DYNC2I1: variants seen among roughly 807,000 people sequenced by gnomAD.
DYNC2I1 encodes dynein 2 intermediate chain 1.
Under a neutral mutation model 133.4 loss-of-function variants are expected in DYNC2I1, and 89 were observed. The observed-to-expected ratio is 0.67, with a 90% CI of 0.56 to 0.80. The LOEUF (loss-of-function observed/expected upper bound fraction) is 0.80, where lower values mean the gene tolerates loss of function less well. Ranked by LOEUF, DYNC2I1 falls within the 30% of genes least tolerant of loss-of-function variation. DYNC2I1 has a pLI of 0.00. For synonymous variants in DYNC2I1, 504 were observed against 484.3 expected (o/e 1.04, Z -0.54); for missense variants, 1,291 against 1,314.5 (o/e 0.98, Z 0.28).
intron 17 of DYNC2I1, among the ~76,000 whole-genome samples, chr7:158,925,787 G>A (rs920898887): frequency 3.3e-5 from 5 of 152,094 alleles, no homozygotes; most frequent in South Asian, 2.1e-4. Flanking sequence ...CCCATCGGCC[G>A]TGCTGCTCCG....
At chr7:158,857,022 T>C (rs1162625950) in intron 1 of DYNC2I1, among the ~76,000 whole-genome samples, 1 of 151,954 alleles carries the variant, frequency 6.6e-6, no homozygotes, top group Non-Finnish European at 1.5e-5. Context: ...GCGGCCCGTC[T>C]CCTCGCGCCC....
intron 10 of DYNC2I1, 92 bp downstream of exon 10, chr7:158,902,687 A>G: frequency 8.5e-7 from 1 of 1,182,892 alleles, no homozygotes; most frequent in Non-Finnish European, 1.2e-6. Flanking sequence ...GCCTACTCTA[A>G]TAAGGTGGGT....
intron 4 of DYNC2I1, among the ~76,000 whole-genome samples, chr7:158,954,587 G>C (rs1029338750): frequency 6.6e-6 from 1 of 152,214 alleles, no homozygotes; most frequent in African/African-American, 2.4e-5. Context: ...GGTGGAGCTT[G>C]CAGTGAGCTG....
chr7:158,894,560 T>C (rs1436679215), intron 8 of DYNC2I1, among the ~76,000 whole-genome samples: 2 of 152,200 alleles, frequency 1.3e-5, no homozygotes, highest in Admixed American at 6.5e-5. Flanking sequence ...TAATATCCAT[T>C]GTAGGGATGT....
Position 158,901,807 on chromosome 7 carries a change from T to A in DYNC2I1, c.1128T>A (p.Asp376Glu). 1 of 1,571,058 alleles carries A rather than the reference T, an allele frequency of 6.4e-7. No individual in the cohort carries two copies. Among genetic ancestry groups the A allele is most frequent in the Non-Finnish European group, 8.6e-7 (1 of 1,158,386 alleles). Residue 376 changes from aspartate (D) to glutamate (E), a missense_variant, in exon 9 of 25, where the codon GAT becomes GAA. Transcript: ENST00000407559. ...RADAYTASCE[D>E]DFEDYEDDFE... ...ATGCATATACAGCCAGTTGTGAAGA[T>A]GATTTTGAAGTATGTATAAAAGTTA...
intron 11 of DYNC2I1, among the ~76,000 whole-genome samples, chr7:158,909,945 G>A (rs1380681776): frequency 6.6e-6 from 1 of 152,116 alleles, no homozygotes; most frequent in East Asian, 1.9e-4. Context: ...AGGAGTGTGA[G>A]GTGAAGGATC....
chr7:158,904,175 G>A (rs1328253147), intron 10 of DYNC2I1: 1 of 152,308 alleles, frequency 6.6e-6, no homozygotes, highest in East Asian at 1.9e-4. Flanking sequence ...TACTTAACCT[G>A]TCTGTGCCTC....
intron 15 of DYNC2I1, 126 bp downstream of exon 15, chr7:158,918,995 C>T (rs1377936451): frequency 7.2e-6 from 8 of 1,105,180 alleles, no homozygotes; most frequent in East Asian, 5.3e-5. Flanking sequence ...CTGAGAAAGA[C>T]TGAGTTTCTG....
intron 15 of DYNC2I1, among the ~76,000 whole-genome samples, chr7:158,921,643 C>T (rs1051890182): frequency 2.6e-5 from 4 of 152,052 alleles, no homozygotes; most frequent in Admixed American, 6.6e-5. Flanking sequence ...ACGTTGTGAC[C>T]CAAGCATGGA....
downstream of DYNC2I1, among the ~76,000 whole-genome samples, chr7:158,947,774 C>T (rs112528043): frequency 1.0e-2 from 1,523 of 152,320 alleles, 29 homozygotes; most frequent in African/African-American, 0.034. Context: ...TGCAGCCTCA[C>T]GGAGGCCAGG....
intron 6 of DYNC2I1, 79 bp from the exon 7 acceptor site, chr7:158,886,942 C>A: frequency 7.5e-7 from 1 of 1,327,586 alleles, no homozygotes; most frequent in South Asian, 1.2e-5. Flanking sequence ...TAAGAGCTTT[C>A]ACTGATATGG....
Position 158,872,315 on chromosome 7 carries a change from C to T in DYNC2I1, c.490+753C>T, listed in dbSNP as rs572074773. 2.0e-3 allele frequency among the ~76,000 whole-genome samples: 303 copies of T among 152,094 alleles called. 3 individuals are homozygous for T. Among genetic ancestry groups the T allele is most frequent in the South Asian group, 0.019 (89 of 4,806 alleles). Reference sequence around the variant, plus strand: ...TGGGCAACAGAGTGAGACCCTGTCTCAAAAGAAAAACAAAAGCTCTAAAAA... The same window carrying T: ...TGGGCAACAGAGTGAGACCCTGTCTTAAAAGAAAAACAAAAGCTCTAAAAA... On this transcript the variant is annotated intron_variant, in intron 3 of 24. Transcript: ENST00000407559.
intron 13 of DYNC2I1, among the ~76,000 whole-genome samples, chr7:158,913,909 C>T (rs1375720307): frequency 1.3e-5 from 2 of 152,120 alleles, no homozygotes; most frequent in African/African-American, 4.8e-5. Flanking sequence ...GGGGTTTCGC[C>T]ATGTTGGCCA....
chr7:158,880,052 C>CT, intron 5 of DYNC2I1, 63 bp downstream of exon 5: 3 of 1,522,974 alleles, frequency 2.0e-6, no homozygotes, highest in Non-Finnish European at 2.6e-6. Flanking sequence ...TCAGAGGAGG[C>CT]TTACCGGGCG....
intron 14 of DYNC2I1, among the ~76,000 whole-genome samples, chr7:158,916,865 C>T (rs868090076): frequency 1.4e-5 from 1 of 70,438 alleles, no homozygotes; most frequent in South Asian, 3.9e-4. Flanking sequence ...AACGTCTACA[C>T]GCTGGTTGAC....
intron 8 of DYNC2I1, among the ~76,000 whole-genome samples, chr7:158,895,287 C>G (rs944569565): frequency 6.6e-6 from 1 of 152,164 alleles, no homozygotes; most frequent in Non-Finnish European, 1.5e-5. Context: ...GCATTTTACA[C>G]TTAGGTCTGT....
chr7:158,902,234 C>A, intron 9 of DYNC2I1, 142 bp from the exon 10 acceptor site: 2 of 702,440 alleles, frequency 2.8e-6, no homozygotes, highest in Non-Finnish European at 4.6e-6. Flanking sequence ...ACATTAAAAT[C>A]AGGGAACTAT....
the DYNC2I1 span, among the ~76,000 whole-genome samples, chr7:158,849,599 G>T: frequency 6.6e-6 from 1 of 152,218 alleles, no homozygotes; most frequent in Non-Finnish European, 1.5e-5. Context: ...CAGGTCATTT[G>T]TGGAGTCTTT....
chr7:158,841,617 G>T, the DYNC2I1 span, among the ~76,000 whole-genome samples: 9 of 152,178 alleles, frequency 5.9e-5, no homozygotes, highest in African/African-American at 2.2e-4. Flanking sequence ...AATGATGGAA[G>T]AAATATTATA....
Sources: allele counts gnomAD v4.1 joint callset (sites outside exome capture counted in the v4.1 genomes callset), GRCh38; gene constraint gnomAD v4.1.1; transcripts MANE v1.5; gene names NCBI Gene and HGNC (gene_info 2026-07-23, HGNC 2026-07-21).